The following MAGI1 variants were observed in gnomAD, a reference collection of about 807,000 sequenced individuals.
The protein encoded by MAGI1 is membrane-associated guanylate kinase, WW and PDZ domain-containing protein 1.
Under a neutral mutation model 139.9 loss-of-function variants are expected in MAGI1, and 58 were observed. The ratio of observed to expected loss-of-function variants is 0.41; its 90% confidence interval spans 0.34 to 0.52. The LOEUF is 0.52. Among genes scored for constraint, MAGI1 ranks in the 20% least tolerant of loss-of-function variants. MAGI1 has a pLI of 0.12. For synonymous variants in MAGI1, 812 were observed against 737.9 expected (o/e 1.10, Z -1.63); for missense variants, 1,874 against 1,901.6 (o/e 0.99, Z 0.27).
At chr3:65,623,816 T>G (rs2107082971) in intron 1 of MAGI1, among the ~76,000 whole-genome samples, 1 of 152,320 alleles carries the variant, frequency 6.6e-6, no homozygotes, top group East Asian at 1.9e-4. Flanking sequence ...TTGAGCTATT[T>G]TATTTGGTAT....
chr3:65,929,491 T>C (rs1038509710), intron 1 of MAGI1, among the ~76,000 whole-genome samples: 2 of 151,890 alleles, frequency 1.3e-5, no homozygotes, highest in African/African-American at 2.4e-5. Context: ...CCAACTACCA[T>C]GCCCAGCTAA....
intron 5 of MAGI1, among the ~76,000 whole-genome samples, chr3:65,465,648 T>C (rs57971341): frequency 0.57 from 85,880 of 151,966 alleles, 25,396 homozygotes; most frequent in East Asian, 0.94. Flanking sequence ...TCATTTCTCA[T>C]CGCTTTCAAC....
chr3:65,671,366 C>G (rs975454622), intron 1 of MAGI1, among the ~76,000 whole-genome samples: 5 of 152,180 alleles, frequency 3.3e-5, no homozygotes, highest in African/African-American at 1.2e-4. Context: ...CTCTTACTGA[C>G]TAGATACCAG....
At chr3:65,965,735 G>C (rs2064707539) in intron 1 of MAGI1, among the ~76,000 whole-genome samples, 1 of 151,976 alleles carries the variant, frequency 6.6e-6, no homozygotes, top group Admixed American at 6.6e-5. Context: ...CTGGAGTGCA[G>C]TGGCTCACTT....
chr3:65,498,540 T>C (rs1415112936), intron 2 of MAGI1, among the ~76,000 whole-genome samples: 1 of 152,220 alleles, frequency 6.6e-6, no homozygotes, highest in African/African-American at 2.4e-5. Context: ...AATACTATTA[T>C]TGTATATAAT....
At chr3:65,859,731 A>AC (rs1423633546) in intron 1 of MAGI1, among the ~76,000 whole-genome samples, 3 of 151,518 alleles carry the variant, frequency 2.0e-5, no homozygotes, top group Non-Finnish European at 4.4e-5. Flanking sequence ...AAAAAAACAA[A>AC]AAAAAAAAAC....
At chr3:65,504,167 A>G (rs185856646) in intron 2 of MAGI1, among the ~76,000 whole-genome samples, 5 of 152,336 alleles carry the variant, frequency 3.3e-5, no homozygotes, top group African/African-American at 1.2e-4. Context: ...CTACCTTGGA[A>G]CATTCCCTTT....
chr3:65,854,346 T>C (rs193074212), intron 1 of MAGI1, among the ~76,000 whole-genome samples: 11 of 152,216 alleles, frequency 7.2e-5, no homozygotes, highest in Admixed American at 1.3e-4. Flanking sequence ...GTACATGCAA[T>C]ACACTTTCTC....
At chr3:65,695,871 C>T (rs948384497) in intron 1 of MAGI1, among the ~76,000 whole-genome samples, 2 of 152,122 alleles carry the variant, frequency 1.3e-5, no homozygotes, top group African/African-American at 4.8e-5. Context: ...AGTGTAGCCA[C>T]CAATATTTGT....
At chr3:65,643,562 A>G (rs2085099769) in intron 1 of MAGI1, among the ~76,000 whole-genome samples, 2 of 152,124 alleles carry the variant, frequency 1.3e-5, no homozygotes, top group South Asian at 4.1e-4. Flanking sequence ...AAACCTCAAC[A>G]TGGTGATGAG....
chr3:65,790,647 T>C (rs1181178168), intron 1 of MAGI1, among the ~76,000 whole-genome samples: 1 of 152,140 alleles, frequency 6.6e-6, no homozygotes, highest in African/African-American at 2.4e-5. Flanking sequence ...GAAAAAAGTG[T>C]CAAGCTCAAG....
chr3:65,467,056 T>C (rs1950218955), intron 5 of MAGI1, among the ~76,000 whole-genome samples: 2 of 152,204 alleles, frequency 1.3e-5, no homozygotes. Flanking sequence ...CTCTTTAGCT[T>C]TAAGTCTGGA....
chr3:66,007,052 G>A (rs909742402), intron 1 of MAGI1, among the ~76,000 whole-genome samples: 1 of 151,716 alleles, frequency 6.6e-6, no homozygotes, highest in Non-Finnish European at 1.5e-5. Flanking sequence ...CGTTGCCTAG[G>A]CTGGTCTCAA....
intron 1 of MAGI1, among the ~76,000 whole-genome samples, chr3:66,004,553 T>C (rs958437225): frequency 8.5e-5 from 13 of 152,136 alleles, no homozygotes; most frequent in African/African-American, 3.1e-4. Context: ...TCTGTCATAC[T>C]CTGTTGGTCC....
chr3:65,529,800 A>G lies in MAGI1; in HGVS notation c.431-36169T>C, dbSNP rs544304278. ...GGATACAGACATAACACACATAAAAATGTATATACACATATAATATATACA... is the reference window on the plus strand; with the variant it reads ...GGATACAGACATAACACACATAAAAGTGTATATACACATATAATATATACA... On this transcript the variant is annotated intron_variant, in intron 2 of 22. Coordinates refer to ENST00000402939, the MANE Select transcript of MAGI1 (RefSeq NM_001033057.2). Among the ~76,000 whole-genome samples, 287 of 152,146 alleles carry G rather than the reference A, an allele frequency of 1.9e-3. 3 individuals carry two copies. Among genetic ancestry groups the G allele is most frequent in the Non-Finnish European group, 3.1e-3 (212 of 68,034 alleles).
intron 1 of MAGI1, among the ~76,000 whole-genome samples, chr3:65,744,702 T>A (rs1281830911): frequency 2.0e-5 from 3 of 151,974 alleles, no homozygotes; most frequent in Admixed American, 1.3e-4. Context: ...TTTCTGTTTT[T>A]TTTAATAAAG....
intron 1 of MAGI1, among the ~76,000 whole-genome samples, chr3:65,654,128 T>A (rs2085735813): frequency 6.6e-6 from 1 of 152,180 alleles, no homozygotes; most frequent in African/African-American, 2.4e-5. Flanking sequence ...AGTCTTTATA[T>A]TAATATATGG....
intron 1 of MAGI1, among the ~76,000 whole-genome samples, chr3:65,818,849 C>T (rs1403015872): frequency 6.6e-6 from 1 of 152,188 alleles, no homozygotes; most frequent in South Asian, 2.1e-4. Context: ...ATGCAGAAGA[C>T]TCCTAGAACA....
chr3:65,831,998 G>A (rs1354275234), intron 1 of MAGI1, among the ~76,000 whole-genome samples: 2 of 152,154 alleles, frequency 1.3e-5, no homozygotes, highest in African/African-American at 4.8e-5. Flanking sequence ...AATCTCGAGA[G>A]ACCTTACATT....
Sources: allele counts gnomAD v4.1 joint callset (sites outside exome capture counted in the v4.1 genomes callset), GRCh38; gene constraint gnomAD v4.1.1; transcripts MANE v1.5; gene names NCBI Gene and HGNC (gene_info 2026-07-23, HGNC 2026-07-21).